The following SLC30A9 variants were observed in gnomAD, a reference collection of about 807,000 sequenced individuals.
The protein encoded by SLC30A9 is solute carrier family 30 member 9.
Under a neutral mutation model 87.5 loss-of-function variants are expected in SLC30A9, and 58 were observed. The observed-to-expected ratio is 0.66, with a 90% CI of 0.54 to 0.82. SLC30A9 has a LOEUF of 0.82. Ranked by LOEUF, SLC30A9 falls within the 40% of genes least tolerant of loss-of-function variation. The pLI, the probability that SLC30A9 is intolerant of heterozygous loss-of-function variation, is 0.00. For synonymous variants in SLC30A9, 234 were observed against 233.0 expected (o/e 1.00, Z -0.04); for missense variants, 557 against 679.1 (o/e 0.82, Z 2.00).
chr4:42,011,563 G>C (rs1180474372), intron 2 of SLC30A9, among the ~76,000 whole-genome samples: 7 of 152,166 alleles, frequency 4.6e-5, no homozygotes, highest in Non-Finnish European at 2.9e-5. Flanking sequence ...GCACAAGAAT[G>C]TGAAGAGGAG....
Position 42,006,883 on chromosome 4 carries a change from G to T in SLC30A9, c.274+5103G>T, listed in dbSNP as rs146265867. 7.9e-4 allele frequency among the ~76,000 whole-genome samples: 121 copies of T among 152,208 alleles called. 2 individuals carry two copies. In the East Asian group the frequency reaches 9.7e-3, roughly 12 times the overall value. Reference sequence around the variant, plus strand: ...GCTTGCTCACTATGTTTCAGCCAAAGCAGTCTCCCTTTTTCTCAGCCATGT... The same window carrying T: ...GCTTGCTCACTATGTTTCAGCCAAATCAGTCTCCCTTTTTCTCAGCCATGT... On this transcript the variant is annotated intron_variant, in intron 2 of 17. Coordinates refer to ENST00000264451, the MANE Select transcript of SLC30A9 (RefSeq NM_006345.4).
intron 16 of SLC30A9, 70 bp downstream of exon 16, chr4:42,075,856 A>T (rs1449932885): frequency 3.4e-6 from 5 of 1,468,208 alleles, no homozygotes; most frequent in Non-Finnish European, 4.6e-6. Context: ...ACAAAATGAA[A>T]TTTTTTTTTA....
chr4:42,015,766 A>C (rs75675426), intron 2 of SLC30A9, among the ~76,000 whole-genome samples: 1 of 151,576 alleles, frequency 6.6e-6, no homozygotes, highest in Non-Finnish European at 1.5e-5. Flanking sequence ...CTCCTCAACT[A>C]TTGTGTCCAT....
Position 41,990,726 on chromosome 4 carries a change from C to T in SLC30A9, c.75C>T (p.Cys25=). 1 of 1,611,688 alleles carries T rather than the reference C, an allele frequency of 6.2e-7. No homozygotes were observed. Among genetic ancestry groups the T allele is most frequent in the Non-Finnish European group, 8.5e-7 (1 of 1,179,264 alleles). The part of the protein sequence containing the change: ...WSSLCRLRLR[C]RAAACNPSDR... The stretch of plus-strand genomic sequence containing the variant: ...CCCTGTGCCGGCTCCGTCTGCGATG[C>T]AGGGCGGCGGCCTGTAATCCCAGCG... The change falls in exon 1 of 18, where the codon TGC becomes TGT. Residue 25 remains cysteine (C), a synonymous_variant. Coordinates refer to ENST00000264451, the MANE Select transcript of SLC30A9 (RefSeq NM_006345.4).
At chr4:42,056,918 G>A (rs939505309) in intron 9 of SLC30A9, among the ~76,000 whole-genome samples, 1 of 152,146 alleles carries the variant, frequency 6.6e-6, no homozygotes, top group South Asian at 2.1e-4. Context: ...AAACAAAGGG[G>A]CTACAGGCCC....
At chr4:41,999,043 G>T (rs991193677) in intron 1 of SLC30A9, among the ~76,000 whole-genome samples, 3 of 152,136 alleles carry the variant, frequency 2.0e-5, no homozygotes, top group African/African-American at 4.8e-5. Flanking sequence ...AAGCACTTAG[G>T]AGTCAATTTT....
chr4:42,006,360 T>C (rs1715199446), intron 2 of SLC30A9, among the ~76,000 whole-genome samples: 1 of 152,026 alleles, frequency 6.6e-6, no homozygotes, highest in South Asian at 2.1e-4. Context: ...AAGATTTCCA[T>C]AAGGAAATGA....
At chr4:42,026,823 AT>A (rs1553916023) in intron 6 of SLC30A9, among the ~76,000 whole-genome samples, 1 of 150,334 alleles carries the variant, frequency 6.7e-6, no homozygotes, top group Non-Finnish European at 1.5e-5. Context: ...TTACCACCCT[AT>A]TTTTAATTTA....
intron 9 of SLC30A9, among the ~76,000 whole-genome samples, chr4:42,054,950 G>C (rs987787605): frequency 2.6e-5 from 4 of 152,176 alleles, no homozygotes; most frequent in Non-Finnish European, 4.4e-5. Context: ...TGAGGGAGTA[G>C]ATATGGATGA....
At chr4:42,046,861 G>GC (rs1717180158) in intron 8 of SLC30A9, among the ~76,000 whole-genome samples, 1 of 152,174 alleles carries the variant, frequency 6.6e-6, no homozygotes, top group African/African-American at 2.4e-5. Context: ...AACCAAAACA[G>GC]CATGGTACTG....
Position 41,992,287 on chromosome 4 carries a change from G to T in SLC30A9, c.109+1527G>T, listed in dbSNP as rs145110452. Among the ~76,000 whole-genome samples the T allele has an allele frequency of 7.8e-4, 119 of 151,804 alleles. 1 individual carries two copies. The highest frequency in any genetic ancestry group is 3.4e-3 in the Middle Eastern group (1 of 294). On this transcript the variant is annotated intron_variant, in intron 1 of 17. Coordinates refer to ENST00000264451, the MANE Select transcript of SLC30A9 (RefSeq NM_006345.4). ...GCCCAGGAAATTGAGGCTGCAGTGAGCCTTGAGCATGCCAGTGCACTCCAG... is the reference window on the plus strand; with the variant it reads ...GCCCAGGAAATTGAGGCTGCAGTGATCCTTGAGCATGCCAGTGCACTCCAG...
At chr4:42,065,487 A>G (rs1718045014) in intron 12 of SLC30A9, 138 bp downstream of exon 12, 1 of 618,724 alleles carries the variant, frequency 1.6e-6, no homozygotes, top group Non-Finnish European at 2.9e-6. Flanking sequence ...CTCTACTTTT[A>G]GGGAGTAAAG....
Position 42,020,506 on chromosome 4 carries a change from T to C in SLC30A9, c.425T>C (p.Leu142Pro). The C allele has an allele frequency of 6.3e-7, 1 of 1,578,218 alleles. No individual in the cohort carries two copies. The highest frequency in any genetic ancestry group is 8.7e-7 in the Non-Finnish European group (1 of 1,152,172). ...TGVRAINEFC[L>P]KSSDLEQLRK... is the part of the protein sequence containing the mutation. Reference sequence around the variant, plus strand: ...GTCAGAGCGATAAATGAGTTCTGCCTCAAATCCAGGTAATTTTTTTAAAAA... The same window carrying C: ...GTCAGAGCGATAAATGAGTTCTGCCCCAAATCCAGGTAATTTTTTTAAAAA... Residue 142 changes from leucine to proline, a missense_variant, in exon 4 of 18, where the codon CTC (leucine) becomes CCC (proline). Coordinates refer to ENST00000264451, the MANE Select transcript of SLC30A9 (RefSeq NM_006345.4).
rs778188455 is a variant in SLC30A9 at position 42,075,719 on chromosome 4, T to C, written c.1481T>C (p.Val494Ala). ...GGTAAAGTAAGATTTAAGGCAGAAG[T>C]AGATTTTGATGGGCGAGTTGTTACA... ...GLGKVRFKAE[V>A]DFDGRVVTRS... The change falls in exon 16 of 18, where the codon GTA (valine) becomes GCA (alanine). Residue 494 changes from valine (V) to alanine (A), a missense_variant. Physicochemically the swap from Val to Ala is moderately conservative, Grantham distance 64. Around this residue, in one of 2 missense-constraint regions of SLC30A9, gnomAD observed 90 missense variants for 149.4 expected, o/e 0.60. Coordinates refer to ENST00000264451, the MANE Select transcript of SLC30A9 (RefSeq NM_006345.4). 2 of 1,613,252 alleles carry C rather than the reference T, an allele frequency of 1.2e-6. No individual in the cohort carries two copies. The highest frequency in any genetic ancestry group is 1.7e-6 in the Non-Finnish European group (2 of 1,179,496).
At chr4:42,062,231 T>C (rs1717887307) in intron 10 of SLC30A9, among the ~76,000 whole-genome samples, 1 of 152,138 alleles carries the variant, frequency 6.6e-6, no homozygotes, top group African/African-American at 2.4e-5. Context: ...AATTTGTATT[T>C]CTCAGAAGAG....
At position 42,039,061 on chromosome 4, in the gene SLC30A9, CTGAAAAATAAGCTT is replaced by C. The variant is rs751940383; in HGVS notation, c.737+11_737+24del. 1 of 1,592,302 alleles carries C rather than the reference CTGAAAAATAAGCTT, an allele frequency of 6.3e-7. No homozygotes were observed. The highest frequency in any genetic ancestry group is 8.6e-7 in the Non-Finnish European group (1 of 1,160,548). ...GATGGTTGCAATTTGCATGTAAGTA[CTGAAAAATAAGCTT>C]TGTGAAATAGAATATATTCTTTTAA... On this transcript the variant is annotated intron_variant, in intron 8 of 17. Transcript: ENST00000264451.
In SLC30A9 at chr4:42,065,325, G is replaced by T; in HGVS notation, c.1048G>T (p.Ala350Ser). The change falls in exon 12 of 18, where the codon GCA becomes TCA. Residue 350 changes from alanine (A) to serine (S), a missense_variant. Physicochemically the swap from Ala to Ser is moderately conservative, Grantham distance 99. Coordinates refer to ENST00000264451, the MANE Select transcript of SLC30A9 (RefSeq NM_006345.4). Reference protein sequence around the residue: ...ESLLWAYCILAGSLVSEGATL... With the variant: ...ESLLWAYCILSGSLVSEGATL... ...TCTTTTCTAGGCATATTGTATTTTA[G>T]CAGGATCATTAGTATCTGAAGGAGG... 1 of 1,368,186 alleles carries T rather than the reference G, an allele frequency of 7.3e-7. No individual in the cohort carries two copies. The allele number at this position is 1,368,186 out of a possible 1,614,324, so 84.8% of individuals were successfully genotyped here.
At chr4:42,060,305 T>A in intron 10 of SLC30A9, 59 bp downstream of exon 10, 2 of 1,280,908 alleles carry the variant, frequency 1.6e-6, no homozygotes, top group Non-Finnish European at 2.3e-6. Context: ...TTGAAATAAC[T>A]AAATATCAGA....
At chr4:42,038,895 A>G in intron 7 of SLC30A9, 91 bp from the exon 8 acceptor site, 2 of 736,822 alleles carry the variant, frequency 2.7e-6, no homozygotes, top group Non-Finnish European at 4.8e-6. Flanking sequence ...GTTTTGATAG[A>G]GGAAAATGTT....
Sources: gnomAD v4.1 joint callset for allele counts (sites outside exome capture counted in the v4.1 genomes callset) on GRCh38, gnomAD v4.1.1 for gene constraint, gnomAD v4.1.1 regional missense constraint, MANE v1.5 for transcripts, NCBI Gene and HGNC (gene_info 2026-07-23, HGNC 2026-07-21) for gene names.